SCN10A: variants seen among roughly 807,000 people sequenced by gnomAD.
SCN10A encodes sodium channel protein type 10 subunit alpha.
In SCN10A, 162 loss-of-function variants were observed where a neutral mutation model predicts 170.7. The ratio of observed to expected loss-of-function variants is 0.95; its 90% CI spans 0.84 to 1.08. SCN10A has a LOEUF of 1.08. Ranked by LOEUF, SCN10A falls within the 50% of genes least tolerant of loss-of-function variation. The pLI is 0.00. For synonymous variants in SCN10A, 985 were observed against 904.6 expected, an observed-to-expected ratio of 1.09 and a Z score of -1.59; for missense variants, 2,527 against 2,436.9, an observed-to-expected ratio of 1.04 and a Z score of -0.78.
At chr3:38,732,859 A>G (rs1337932596) in intron 15 of SCN10A, among the ~76,000 whole-genome samples, 1 of 152,260 alleles carries the variant, frequency 6.6e-6, no homozygotes, top group African/African-American at 2.4e-5. Flanking sequence ...AAAAGAAAAT[A>G]TAATCCAGAA....
chr3:38,792,294 T>C (rs1269329932), intron 2 of SCN10A, 126 bp from the exon 3 acceptor site: 23 of 1,168,902 alleles, frequency 2.0e-5, no homozygotes, highest in Non-Finnish European at 2.7e-5. Context: ...GAACTACAGG[T>C]CAATGAGAGT....
intron 15 of SCN10A, among the ~76,000 whole-genome samples, chr3:38,729,930 TG>T (rs2063497895): frequency 1.3e-5 from 2 of 152,196 alleles, no homozygotes; most frequent in African/African-American, 4.8e-5. Context: ...CTTTATGTGA[TG>T]GGGGAGAGCG....
At chr3:38,800,752 G>C (rs1204570915) in intron 1 of SCN10A, among the ~76,000 whole-genome samples, 7 of 152,110 alleles carry the variant, frequency 4.6e-5, no homozygotes, top group East Asian at 3.9e-4. Flanking sequence ...AATGAGAACA[G>C]AGTGGAATTT....
chr3:38,712,366 A>G lies in SCN10A; in HGVS notation c.3884T>C (p.Phe1295Ser), dbSNP rs1380029472. Residue 1295 changes from phenylalanine (F) to serine (S), a missense_variant, in exon 23 of 28, where the codon TTC becomes TCC. By Grantham distance (155) the Phe-to-Ser change is radical (BLOSUM62 -2). Transcript: ENST00000449082. ...LLVCLIFWLI[F>S]SIMGVNLFAG... is the part of the protein sequence containing the mutation. ...GAAGAGGTTCACACCCATGATGCTG[A>G]AGATGAGCCAGAAGATGAGGCAGAC... 8.1e-6 allele frequency: 13 copies of G among 1,614,110 alleles called. No homozygotes were observed. Among genetic ancestry groups the G allele is most frequent in the Non-Finnish European group, 1.1e-5 (13 of 1,180,040 alleles).
intron 5 of SCN10A, among the ~76,000 whole-genome samples, chr3:38,770,552 C>T (rs956731042): frequency 6.6e-6 from 1 of 152,034 alleles, no homozygotes; most frequent in Non-Finnish European, 1.5e-5. Context: ...TAGTGAGAGG[C>T]CTCACCTAGC....
chr3:38,755,801 T>C lies in SCN10A; in HGVS notation c.1448A>G (p.Asn483Ser), dbSNP rs1474305258. The change falls in exon 11 of 28, where the codon AAC (asparagine) becomes AGC (serine). Residue 483 changes from asparagine (N) to serine (S), a missense_variant. Asn to Ser is a conservative substitution (Grantham distance 46). Transcript: ENST00000449082. ...DNKSPRSDPY[N>S]QRRMSFLGLA... Reference sequence around the variant, plus strand: ...TGAGCCTCTTACCATCCTGCGCTGGTTGTAAGGATCAGAGCGGGGTGATTT... The same window carrying C: ...TGAGCCTCTTACCATCCTGCGCTGGCTGTAAGGATCAGAGCGGGGTGATTT... 4 of 1,613,642 alleles carry C rather than the reference T, an allele frequency of 2.5e-6. No individual in the cohort carries two copies. The highest frequency in any genetic ancestry group is 3.4e-6 in the Non-Finnish European group (4 of 1,180,030).
rs7433430 is a variant in SCN10A, at chr3:38,757,652, A to C, written c.951-493T>G. 5.2e-3 allele frequency among the ~76,000 whole-genome samples: 799 copies of C among 152,352 alleles called. 8 individuals carry two copies. Among genetic ancestry groups the C allele is most frequent in the African/African-American group, 0.018 (730 of 41,584 alleles). Reference sequence around the variant, plus strand: ...AAGTGCTTTACAAACACTATAATTTAATCACTCAATGTTCTTTCTTTACAG... The same window carrying C: ...AAGTGCTTTACAAACACTATAATTTCATCACTCAATGTTCTTTCTTTACAG... On this transcript the variant is annotated intron_variant, in intron 8 of 27. Coordinates refer to ENST00000449082, the MANE Select transcript of SCN10A (RefSeq NM_006514.4).
intron 1 of SCN10A, among the ~76,000 whole-genome samples, chr3:38,794,622 G>A (rs1485605548): frequency 6.6e-6 from 1 of 152,124 alleles, no homozygotes; most frequent in Non-Finnish European, 1.5e-5. Context: ...CCCATAACCA[G>A]ATTAGACCTG....
At position 38,727,041 on chromosome 3, in the gene SCN10A, C is replaced by T. The variant is rs781619317; in HGVS notation, c.2652G>A (p.Leu884=). The T allele has an allele frequency of 6.2e-7, 1 of 1,607,384 alleles. No homozygotes were observed. Among genetic ancestry groups the T allele is most frequent in the South Asian group, 1.1e-5 (1 of 91,000 alleles). The change falls in exon 17 of 28, where the codon CTG becomes CTA. Residue 884 remains leucine (L), a synonymous_variant. Transcript: ENST00000449082. Reference sequence around the variant, plus strand: ...AAGAGTTCAATAGCAGGGCGATGAACAGGTTAAGCACCTGAAGAGAAGGAA... The same window carrying T: ...AAGAGTTCAATAGCAGGGCGATGAATAGGTTAAGCACCTGAAGAGAAGGAA... The part of the protein sequence containing the change: ...MVLGNLVVLN[L]FIALLLNSFS...
At chr3:38,736,970 T>TTTTTTTTTTTTTG (rs1559433103) in intron 15 of SCN10A, among the ~76,000 whole-genome samples, 6 of 93,128 alleles carry the variant, frequency 6.4e-5, no homozygotes, top group African/African-American at 3.0e-4. Context: ...TTCGTTTTTT[T>TTTTTTTTTTTTTG]TTTTTTTTTT....
At chr3:38,789,151 G>C (rs1027003089) in intron 3 of SCN10A, 115 bp from the exon 4 acceptor site, 14 of 695,576 alleles carry the variant, frequency 2.0e-5, no homozygotes, top group African/African-American at 1.6e-4. Context: ...TTAGCTTTAT[G>C]ATCTTGTCAC....
At chr3:38,785,073 A>T (rs1246712004) in intron 4 of SCN10A, among the ~76,000 whole-genome samples, 1 of 152,220 alleles carries the variant, frequency 6.6e-6, no homozygotes, top group Non-Finnish European at 1.5e-5. Context: ...TAATTTATAG[A>T]TTCAATGTTA....
chr3:38,788,649 C>G (rs2064239845), intron 4 of SCN10A, among the ~76,000 whole-genome samples: 1 of 151,962 alleles, frequency 6.6e-6, no homozygotes, highest in Non-Finnish European at 1.5e-5. Context: ...GGAGACTCAT[C>G]TTCCCAGGCC....
intron 21 of SCN10A, among the ~76,000 whole-genome samples, chr3:38,715,803 T>C (rs7374599): frequency 0.048 from 7,385 of 152,332 alleles, 241 homozygotes; most frequent in South Asian, 0.11. Flanking sequence ...GTGTGTCTTG[T>C]CTGCTGAAAG....
At chr3:38,728,116 T>C (rs1229378950) in intron 16 of SCN10A, among the ~76,000 whole-genome samples, 1 of 152,214 alleles carries the variant, frequency 6.6e-6, no homozygotes, top group Non-Finnish European at 1.5e-5. Context: ...TAACAGCTAA[T>C]AGACACCGTT....
rs1400466899 is a variant in SCN10A, at chr3:38,728,792, A to G, written c.2390T>C (p.Ile797Thr). 1.2e-5 allele frequency: 20 copies of G among 1,614,020 alleles called. No individual in the cohort carries two copies. The highest frequency in any genetic ancestry group is 1.6e-5 in the Non-Finnish European group (19 of 1,180,032). The part of the protein sequence containing the change: ...LGNLTIILAI[I>T]VFVFALVGKQ... ...GCCAACCAGAGCAAAGACAAAGACA[A>G]TGATGGCCAGGATGATGGTGAGGTT... The change falls in exon 16 of 28, where the codon ATT becomes ACT. Residue 797 changes from isoleucine (I) to threonine (T), a missense_variant. Transcript: ENST00000449082.
intron 3 of SCN10A, 141 bp downstream of exon 3, chr3:38,791,909 A>T (rs1001951108): frequency 6.9e-6 from 8 of 1,159,990 alleles, no homozygotes; most frequent in African/African-American, 6.2e-5. Context: ...GGCCCAAGCC[A>T]TTTTTTCAAT....
At chr3:38,808,514 C>A (rs2064420171) in intron 1 of SCN10A, among the ~76,000 whole-genome samples, 1 of 152,152 alleles carries the variant, frequency 6.6e-6, no homozygotes, top group Admixed American at 6.5e-5. Context: ...CTGCTGTATC[C>A]TCAGCATCTA....
At chr3:38,800,240 A>G (rs116600425) in intron 1 of SCN10A, among the ~76,000 whole-genome samples, 132 of 152,284 alleles carry the variant, frequency 8.7e-4, no homozygotes, top group African/African-American at 3.1e-3. Flanking sequence ...TCTCTAGTAC[A>G]GTGAACTTCA....
Sources: gnomAD v4.1 joint callset for allele counts (sites outside exome capture counted in the v4.1 genomes callset) on GRCh38, gnomAD v4.1.1 for gene constraint, MANE v1.5 for transcripts, NCBI Gene and HGNC (gene_info 2026-07-23, HGNC 2026-07-21) for gene names.